The following CFAP299 variants were observed in gnomAD, a reference collection of about 807,000 sequenced individuals.
CFAP299 encodes the protein cilia- and flagella-associated protein 299.
CFAP299 carries 21 observed loss-of-function variants against 27.0 expected under a neutral mutation model. The ratio of observed to expected loss-of-function variants is 0.78; its 90% CI spans 0.55 to 1.12. The LOEUF is 1.12. Ranked by LOEUF, CFAP299 falls within the 50% of genes most tolerant of loss-of-function variation. The pLI is 0.00. For synonymous variants in CFAP299, 104 were observed against 98.1 expected, an observed-to-expected ratio of 1.06 and a Z score of -0.36; for missense variants, 310 against 276.6, an observed-to-expected ratio of 1.12 and a Z score of -0.86.
At chr4:80,512,417 C>T (rs140871946) in intron 2 of CFAP299, among the ~76,000 whole-genome samples, 219 of 152,088 alleles carry the variant, frequency 1.4e-3, no homozygotes, top group African/African-American at 4.9e-3. Flanking sequence ...TAACTCATGC[C>T]GCAACATGCT....
At position 80,351,164 on chromosome 4, in the gene CFAP299, T is replaced by C. The variant is rs151278233; in HGVS notation, c.112-11590T>C. Among the ~76,000 whole-genome samples the C allele has an allele frequency of 4.9e-3, 740 of 152,184 alleles. 12 individuals are homozygous for C. Among genetic ancestry groups the C allele is most frequent in the Non-Finnish European group, 3.1e-3 (214 of 67,994 alleles). On this transcript the variant is annotated intron_variant, in intron 1 of 5. Coordinates refer to ENST00000358105, the MANE Select transcript of CFAP299 (RefSeq NM_152770.3). ...AGTTCTTCAGGTTGAAGGAAAATTA[T>C]ATATAAGCAGGAAACTTGGATCAAA...
At chr4:80,577,308 G>A (rs1331085496) in intron 2 of CFAP299, among the ~76,000 whole-genome samples, 1 of 151,834 alleles carries the variant, frequency 6.6e-6, no homozygotes, top group Non-Finnish European at 1.5e-5. Context: ...TACAAAGTCA[G>A]TGCCCGATAG....
chr4:80,569,312 C>T (rs531300214), intron 2 of CFAP299, among the ~76,000 whole-genome samples: 3 of 152,166 alleles, frequency 2.0e-5, no homozygotes, highest in South Asian at 4.2e-4. Context: ...CTTGGGTGTT[C>T]AGGCAAATGG....
intron 2 of CFAP299, among the ~76,000 whole-genome samples, chr4:80,465,823 A>G (rs1729672417): frequency 6.6e-6 from 1 of 152,178 alleles, no homozygotes; most frequent in South Asian, 2.1e-4. Context: ...TCTTTCATTG[A>G]ACCTACGTGA....
At chr4:80,948,026 T>C (rs962925284) in intron 5 of CFAP299, among the ~76,000 whole-genome samples, 1 of 152,150 alleles carries the variant, frequency 6.6e-6, no homozygotes, top group Non-Finnish European at 1.5e-5. Context: ...ACTCCAGTAG[T>C]TAAAGAGCTG....
intron 5 of CFAP299, among the ~76,000 whole-genome samples, chr4:80,954,125 A>G (rs1737925546): frequency 6.6e-6 from 1 of 152,226 alleles, no homozygotes; most frequent in Admixed American, 6.5e-5. Context: ...TAAGAACAAA[A>G]TAATTGTTTC....
chr4:80,680,929 G>A (rs1365640064), intron 3 of CFAP299, among the ~76,000 whole-genome samples: 3 of 152,104 alleles, frequency 2.0e-5, no homozygotes, highest in Non-Finnish European at 4.4e-5. Flanking sequence ...GGAATGGAGA[G>A]CTCAGTGTCA....
intron 3 of CFAP299, among the ~76,000 whole-genome samples, chr4:80,856,298 T>A (rs1167117689): frequency 1.4e-5 from 2 of 145,688 alleles, no homozygotes; most frequent in Non-Finnish European, 3.0e-5. Context: ...AGATTCTGGA[T>A]ATTAGCCCTT....
chr4:80,362,903 A>G lies in CFAP299; in HGVS notation c.242+19A>G, dbSNP rs754270592. 1.3e-6 allele frequency: 2 copies of G among 1,592,094 alleles called. No homozygotes were observed. Among genetic ancestry groups the G allele is most frequent in the East Asian group, 4.5e-5 (2 of 44,460 alleles). ...AGCAAAAGTAAGTGTCCATGTTCCAAATCCAGATTTTATGTTATATTCTAG... is the reference window on the plus strand; with the variant it reads ...AGCAAAAGTAAGTGTCCATGTTCCAGATCCAGATTTTATGTTATATTCTAG... On this transcript the variant is annotated intron_variant, in intron 2 of 5. Coordinates refer to ENST00000358105, the MANE Select transcript of CFAP299 (RefSeq NM_152770.3).
chr4:80,838,663 T>C (rs1166199088), intron 3 of CFAP299, among the ~76,000 whole-genome samples: 1 of 152,166 alleles, frequency 6.6e-6, no homozygotes. Flanking sequence ...TTGGTTAATG[T>C]AGCCTTATAG....
At chr4:80,580,590 A>G (rs1736112217) in intron 2 of CFAP299, among the ~76,000 whole-genome samples, 1 of 151,988 alleles carries the variant, frequency 6.6e-6, no homozygotes, top group African/African-American at 2.4e-5. Context: ...ACTACAGTGA[A>G]CCAAGTTAAC....
chr4:80,545,657 A>G (rs1220208848), intron 2 of CFAP299, among the ~76,000 whole-genome samples: 8 of 152,150 alleles, frequency 5.3e-5, no homozygotes, highest in Admixed American at 5.2e-4. Context: ...GGCAAATTCT[A>G]CCAGATTTAC....
chr4:80,431,310 A>T (rs1053855544), intron 2 of CFAP299, among the ~76,000 whole-genome samples: 3 of 151,722 alleles, frequency 2.0e-5, no homozygotes, highest in Non-Finnish European at 4.4e-5. Flanking sequence ...TTTCTTCCTC[A>T]TTCCCTCTCT....
chr4:80,776,395 C>G (rs75488096), intron 3 of CFAP299, among the ~76,000 whole-genome samples: 1 of 151,946 alleles, frequency 6.6e-6, no homozygotes, highest in Non-Finnish European at 1.5e-5. Flanking sequence ...TACATAAATG[C>G]GTGTCAGGAA....
Position 80,697,801 on chromosome 4 carries a change from G to A in CFAP299, c.333+114618G>A, listed in dbSNP as rs1324534319. Among the ~76,000 whole-genome samples the A allele has an allele frequency of 3.3e-5, 5 of 152,318 alleles. No individual in the cohort carries two copies. The East Asian group carries it at 9.7e-4, about 29-fold the overall frequency. On this transcript the variant is annotated intron_variant, in intron 3 of 5. Coordinates refer to ENST00000358105, the MANE Select transcript of CFAP299 (RefSeq NM_152770.3). ...CTCTAATTTTGTGTGAGCTAACATG[G>A]CATAGGATAGTATATCCTAAGATGT...
At chr4:80,706,236 A>G (rs1043423630) in intron 3 of CFAP299, among the ~76,000 whole-genome samples, 5 of 151,520 alleles carry the variant, frequency 3.3e-5, no homozygotes, top group Non-Finnish European at 7.4e-5. Context: ...ATATTTTCTG[A>G]TATTTGAGAG....
intron 3 of CFAP299, among the ~76,000 whole-genome samples, chr4:80,714,643 C>T (rs185056814): frequency 6.6e-5 from 10 of 152,044 alleles, no homozygotes; most frequent in African/African-American, 2.4e-4. Flanking sequence ...AAAACGCTCT[C>T]CTTTAACATT....
chr4:80,935,303 C>T (rs1206954294), intron 4 of CFAP299, among the ~76,000 whole-genome samples: 1 of 152,078 alleles, frequency 6.6e-6, no homozygotes, highest in Non-Finnish European at 1.5e-5. Flanking sequence ...CATTACCTAA[C>T]TTCAAACTAC....
At chr4:80,337,967 A>G (rs1299252947) in intron 1 of CFAP299, among the ~76,000 whole-genome samples, 2 of 152,112 alleles carry the variant, frequency 1.3e-5, no homozygotes, top group Non-Finnish European at 2.9e-5. Context: ...CTTTCTGTGG[A>G]TGTAAGTTCA....
Sources: allele counts gnomAD v4.1 joint callset (sites outside exome capture counted in the v4.1 genomes callset), GRCh38; gene constraint gnomAD v4.1.1; transcripts MANE v1.5; gene names NCBI Gene and HGNC (gene_info 2026-07-23, HGNC 2026-07-21).